Variants in TMEM114 observed in about 807,000 individuals in gnomAD.
TMEM114 encodes transmembrane protein 114.
A neutral mutation model predicts 6.2 loss-of-function variants in TMEM114; 6 were observed. The ratio of observed to expected loss-of-function variants is 0.97; its 90% CI spans 0.53 to 1.91. The LOEUF (loss-of-function observed/expected upper bound fraction) is 1.91, where lower values mean the gene tolerates loss of function less well. Ranked by LOEUF, TMEM114 falls within the 40% of genes most tolerant of loss-of-function variation. The pLI, the probability that TMEM114 is intolerant of heterozygous loss-of-function variation, is 0.01. For missense variants in TMEM114, 218 were observed against 158.3 expected, an observed-to-expected ratio of 1.38 and a Z score of -2.02; for synonymous variants, 104 against 73.0, an observed-to-expected ratio of 1.42 and a Z score of -2.16.
chr16:8,550,463 G>T (rs1900805158), intron 2 of TMEM114, among the ~76,000 whole-genome samples: 1 of 149,760 alleles, frequency 6.7e-6, no homozygotes, highest in African/African-American at 2.4e-5. Context: ...GGCGGATGAT[G>T]AGGTCAGGAG....
At chr16:8,575,195 T>C (rs1347074001) in intron 2 of TMEM114, among the ~76,000 whole-genome samples, 1 of 152,176 alleles carries the variant, frequency 6.6e-6, no homozygotes, top group Non-Finnish European at 1.5e-5. Context: ...GCTGTGTGAC[T>C]TTGGACAAAT....
chr16:8,537,816 T>A (rs771704031), exon 3 of TMEM114: 2 of 152,098 alleles, frequency 1.3e-5, no homozygotes, highest in Admixed American at 6.6e-5. Flanking sequence ...CATGGAGCTA[T>A]CAAAAAGCAG....
chr16:8,542,789 C>G (rs73505713), intron 2 of TMEM114, among the ~76,000 whole-genome samples: 1,940 of 152,198 alleles, frequency 0.013, 41 homozygotes, highest in African/African-American at 0.045. Context: ...CCAGAATCTC[C>G]TCAGTCTCAA....
intron 2 of TMEM114, among the ~76,000 whole-genome samples, chr16:8,584,608 G>A (rs760538338): frequency 6.6e-6 from 1 of 152,116 alleles, no homozygotes; most frequent in South Asian, 2.1e-4. Context: ...AGGTGTGTTA[G>A]TCTGTTTTCA....
chr16:8,563,164 AGT>A (rs1567202759), intron 2 of TMEM114, among the ~76,000 whole-genome samples: 1 of 150,894 alleles, frequency 6.6e-6, no homozygotes, highest in Non-Finnish European at 1.5e-5. Context: ...TGAGTGAGTG[AGT>A]GAGTAAATGA....
At chr16:8,549,692 G>GTGT (rs1207152555) in intron 2 of TMEM114, among the ~76,000 whole-genome samples, 1 of 152,004 alleles carries the variant, frequency 6.6e-6, no homozygotes, top group Non-Finnish European at 1.5e-5. Flanking sequence ...CTTTTTGTAT[G>GTGT]CGGGGTTCTG....
At chr16:8,580,835 C>T (rs530069264) in intron 2 of TMEM114, among the ~76,000 whole-genome samples, 3 of 152,202 alleles carry the variant, frequency 2.0e-5, no homozygotes, top group South Asian at 2.1e-4. Flanking sequence ...GGACCACAGG[C>T]GCATGCCACC....
chr16:8,544,504 A>T (rs1014860188), intron 2 of TMEM114, among the ~76,000 whole-genome samples: 28 of 152,322 alleles, frequency 1.8e-4, no homozygotes, highest in African/African-American at 6.5e-4. Context: ...TAAGAACGTC[A>T]AGTGACTTGA....
the TMEM114 span, among the ~76,000 whole-genome samples, chr16:8,529,693 A>G: frequency 6.6e-6 from 1 of 152,000 alleles, no homozygotes; most frequent in African/African-American, 2.4e-5. Flanking sequence ...GTAGTTCTGA[A>G]TCCTAGCTGG....
intron 3 of TMEM114, among the ~76,000 whole-genome samples, chr16:8,571,743 C>T (rs1349877968): frequency 1.3e-5 from 2 of 152,122 alleles, no homozygotes; most frequent in Non-Finnish European, 2.9e-5. Flanking sequence ...GGCTGATCAG[C>T]AGAATAGAGC....
chr16:8,551,220 C>A (rs1241125730), intron 2 of TMEM114, among the ~76,000 whole-genome samples: 1 of 152,112 alleles, frequency 6.6e-6, no homozygotes, highest in African/African-American at 2.4e-5. Flanking sequence ...TTTGGCCAGA[C>A]TTTGTTAATT....
At chr16:8,574,026 G>C (rs4984992) in intron 2 of TMEM114, among the ~76,000 whole-genome samples, 97,941 of 152,070 alleles carry the variant, frequency 0.64, 32,017 homozygotes, top group East Asian at 0.76. Context: ...TGAATTTTGA[G>C]CTAGACAGTG....
intron 2 of TMEM114, among the ~76,000 whole-genome samples, chr16:8,562,488 GTATGTGAA>G: frequency 6.8e-6 from 1 of 147,348 alleles, no homozygotes. Context: ...GAGTGAATGA[GTATGTGAA>G]TGAGTAAATG....
chr16:8,558,610 G>T (rs1901092588), intron 2 of TMEM114, among the ~76,000 whole-genome samples: 1 of 152,038 alleles, frequency 6.6e-6, no homozygotes, highest in Admixed American at 6.6e-5. Flanking sequence ...TCTTTTTGGG[G>T]CACATGCTTG....
At chr16:8,553,147 C>G (rs999029502) in intron 2 of TMEM114, among the ~76,000 whole-genome samples, 3 of 152,190 alleles carry the variant, frequency 2.0e-5, no homozygotes, top group Admixed American at 6.5e-5. Flanking sequence ...GAGTGCCGAT[C>G]GCAGCCGTTT....
At chr16:8,553,744 G>A (rs8044399) in intron 2 of TMEM114, among the ~76,000 whole-genome samples, 63,600 of 151,896 alleles carry the variant, frequency 0.42, 13,698 homozygotes, top group East Asian at 0.52. Flanking sequence ...GCCTCCCAAA[G>A]TGCTGGGATT....
chr16:8,536,108 C>G (rs552431339), downstream of TMEM114, among the ~76,000 whole-genome samples: 1 of 151,872 alleles, frequency 6.6e-6, no homozygotes, highest in Non-Finnish European at 1.5e-5. Context: ...ACCTGTAATC[C>G]CAGCTACTCG....
chr16:8,551,259 C>A (rs1027711950), intron 2 of TMEM114, among the ~76,000 whole-genome samples: 1 of 152,052 alleles, frequency 6.6e-6, no homozygotes, highest in Non-Finnish European at 1.5e-5. Flanking sequence ...GCAAGTTTCA[C>A]GCTCCTGGAA....
intron 2 of TMEM114, among the ~76,000 whole-genome samples, chr16:8,543,490 A>C (rs899680920): frequency 1.3e-5 from 2 of 151,388 alleles, no homozygotes; most frequent in African/African-American, 4.9e-5. Context: ...TGCACCTTGC[A>C]CCATGCTTCA....
Sources: gnomAD v4.1 joint callset for allele counts (sites outside exome capture counted in the v4.1 genomes callset) on GRCh38, gnomAD v4.1.1 for gene constraint, MANE v1.5 for transcripts, NCBI Gene and HGNC (gene_info 2026-07-23, HGNC 2026-07-21) for gene names.